UBAC2: variants seen among roughly 807,000 people sequenced by gnomAD.
UBAC2 encodes the protein UBA domain containing 2, also known as ubiquitin-associated domain-containing protein 2.
UBAC2 carries 26 observed loss-of-function variants against 44.0 expected under a neutral mutation model. That is an observed-to-expected ratio of 0.59 (90% CI 0.43 to 0.82). The LOEUF is 0.82. UBAC2 is among the 40% of genes least tolerant of loss of function. The probability of loss-of-function intolerance (pLI) is 0.00; values close to 1 mark genes in which losing one functional copy is unlikely to be tolerated. For missense variants in UBAC2, 329 were observed against 419.4 expected (o/e 0.78, Z 1.88); for synonymous variants, 155 against 154.3 (o/e 1.00, Z -0.04).
At chr13:99,244,359 A>G (rs2043355216) in intron 3 of UBAC2, among the ~76,000 whole-genome samples, 156 bp from the exon 4 acceptor site, 1 of 152,232 alleles carries the variant, frequency 6.6e-6, no homozygotes, top group Non-Finnish European at 1.5e-5. Context: ...ATAAAAACAA[A>G]TAATTTCAAA....
chr13:99,320,754 A>G (rs2044557168), intron 6 of UBAC2, among the ~76,000 whole-genome samples: 1 of 152,202 alleles, frequency 6.6e-6, no homozygotes, highest in Non-Finnish European at 1.5e-5. Flanking sequence ...ACTTTAGATA[A>G]GGAAGATTGT....
chr13:99,214,681 A>ACCCAAAG (rs2042971493), intron 1 of UBAC2, among the ~76,000 whole-genome samples: 1 of 152,044 alleles, frequency 6.6e-6, no homozygotes, highest in Non-Finnish European at 1.5e-5. Context: ...GCTCTCTTCT[A>ACCCAAAG]CTTTTTTGCA....
intron 1 of UBAC2, among the ~76,000 whole-genome samples, chr13:99,223,542 GTTTTTT>G (rs145143990): frequency 1.5e-3 from 92 of 62,450 alleles, no homozygotes; most frequent in South Asian, 3.8e-3. Context: ...CTCTTTTTCT[GTTTTTT>G]TTTTTTTTTT....
At chr13:99,215,976 T>C (rs1235595065) in intron 1 of UBAC2, among the ~76,000 whole-genome samples, 1 of 152,240 alleles carries the variant, frequency 6.6e-6, no homozygotes, top group Non-Finnish European at 1.5e-5. Flanking sequence ...GAGCAGGAAG[T>C]AATATTAGTC....
At chr13:99,368,054 C>A in intron 8 of UBAC2, 148 bp downstream of exon 8, 17 of 827,682 alleles carry the variant, frequency 2.1e-5, no homozygotes, top group Non-Finnish European at 2.4e-5. Flanking sequence ...AGACTTTGGG[C>A]TTTTTTTTGG....
intron 6 of UBAC2, among the ~76,000 whole-genome samples, chr13:99,318,591 C>T (rs1190604278): frequency 6.6e-6 from 1 of 150,616 alleles, no homozygotes; most frequent in African/African-American, 2.4e-5. Flanking sequence ...GAGGCTGAGG[C>T]GGGCAGATCA....
chr13:99,244,623 T>C lies in UBAC2; in HGVS notation c.388T>C (p.Phe130Leu). 2 of 1,578,122 alleles carry C rather than the reference T, an allele frequency of 1.3e-6. No individual in the cohort carries two copies. The highest frequency in any genetic ancestry group is 1.3e-5 in the African/African-American group (1 of 74,304). ...TGCAGCTAGTAATTTGCCTTCTGGA[T>C]TGTAAGTAGCACTTAAAGATTGACT... The part of the protein sequence containing the change: ...ITAASNLPSG[F>L]LAPVFALFVP... Residue 130 changes from phenylalanine to leucine, a missense_variant and splice_region_variant, in exon 4 of 9, where the codon TTC (phenylalanine) becomes CTC (leucine). Coordinates refer to ENST00000403766, the MANE Select transcript of UBAC2 (RefSeq NM_001144072.2).
At chr13:99,339,770 C>G (rs1205886159) in intron 6 of UBAC2, among the ~76,000 whole-genome samples, 1 of 152,024 alleles carries the variant, frequency 6.6e-6, no homozygotes, top group Non-Finnish European at 1.5e-5. Flanking sequence ...ATAAATGGAA[C>G]TAATATTGGT....
chr13:99,294,934 A>G (rs759867511), intron 4 of UBAC2: 96 of 1,036,844 alleles, frequency 9.3e-5, no homozygotes, highest in Admixed American at 1.7e-4. Flanking sequence ...GAGATGGGAA[A>G]GTGCCCAATG....
rs567116118 is a variant in UBAC2, at chr13:99,228,454, C to T, written c.32-9973C>T. On this transcript the variant is annotated intron_variant, in intron 1 of 8. Transcript: ENST00000403766. Reference sequence around the variant, plus strand: ...AGGCTCCCCCGCACCCCACCACGCCCGGCTAATTTTTGTATTTTTAGTAGT... The same window carrying T: ...AGGCTCCCCCGCACCCCACCACGCCTGGCTAATTTTTGTATTTTTAGTAGT... 5.3e-4 allele frequency among the ~76,000 whole-genome samples: 80 copies of T among 151,992 alleles called. 1 individual carries two copies. Among genetic ancestry groups the T allele is most frequent in the African/African-American group, 1.8e-3 (74 of 41,468 alleles).
At chr13:99,326,386 G>C (rs1193345028) in intron 6 of UBAC2, among the ~76,000 whole-genome samples, 1 of 152,042 alleles carries the variant, frequency 6.6e-6, no homozygotes, top group African/African-American at 2.4e-5. Context: ...TTAAAACTAG[G>C]TTATTAGTTT....
chr13:99,374,951 T>G (rs1444882494), intron 8 of UBAC2, among the ~76,000 whole-genome samples: 1 of 152,190 alleles, frequency 6.6e-6, no homozygotes, highest in African/African-American at 2.4e-5. Context: ...TGTTTTCACA[T>G]AAAAAATGTG....
chr13:99,338,428 C>G (rs2044834456), intron 6 of UBAC2, among the ~76,000 whole-genome samples: 1 of 152,166 alleles, frequency 6.6e-6, no homozygotes, highest in South Asian at 2.1e-4. Context: ...CCACATGTGG[C>G]CCACAGGCCT....
intron 7 of UBAC2, among the ~76,000 whole-genome samples, chr13:99,352,885 A>C (rs554990376): frequency 6.6e-6 from 1 of 152,062 alleles, no homozygotes; most frequent in African/African-American, 2.4e-5. Context: ...CTCCGTCTCC[A>C]CCCCTGTGTC....
chr13:99,269,819 A>C lies in UBAC2; in HGVS notation c.389+25195A>C, dbSNP rs1413798187. On this transcript the variant is annotated intron_variant, in intron 4 of 8. Transcript: ENST00000403766. ...TAGGCATTGCCTGCAGTAACACTGC[A>C]CTAGATGGCAGTGTTACATAGAACT... Among the ~76,000 whole-genome samples, 3 of 152,238 alleles carry C rather than the reference A, an allele frequency of 2.0e-5. 1 individual carries two copies. Among genetic ancestry groups the C allele is most frequent in the Middle Eastern group, 6.3e-3 (2 of 316 alleles).
chr13:99,202,909 C>T (rs1353773248), intron 1 of UBAC2, among the ~76,000 whole-genome samples: 3 of 152,124 alleles, frequency 2.0e-5, no homozygotes, highest in Non-Finnish European at 4.4e-5. Flanking sequence ...ACAGTGCTGA[C>T]GGAGCTTAGG....
At chr13:99,244,390 T>TATACACACACACAC in intron 3 of UBAC2, 125 bp from the exon 4 acceptor site, 1 of 614,272 alleles carries the variant, frequency 1.6e-6, no homozygotes, top group Middle Eastern at 3.8e-4. Context: ...CACATATGCA[T>TATACACACACACAC]GTGTGTATAT....
rs114193848 is a variant in UBAC2, at chr13:99,312,485, A to T, written c.390-1612A>T. On this transcript the variant is annotated intron_variant, in intron 4 of 8. Coordinates refer to ENST00000403766, the MANE Select transcript of UBAC2 (RefSeq NM_001144072.2). ...AGGAATGTAAGATTTCCGTCCTGTG[A>T]TGAGTTCCTTGAGGTCAAGGACTGC... Among the ~76,000 whole-genome samples, 961 of 152,300 alleles carry T rather than the reference A, an allele frequency of 6.3e-3. 7 individuals are homozygous for T. Among genetic ancestry groups the T allele is most frequent in the African/African-American group, 0.022 (932 of 41,560 alleles).
At chr13:99,361,943 C>T (rs1280394857) in intron 7 of UBAC2, among the ~76,000 whole-genome samples, 2 of 152,136 alleles carry the variant, frequency 1.3e-5, no homozygotes, top group East Asian at 3.9e-4. Context: ...CTGCAGTGCG[C>T]CATGATTGTG....
Sources: gnomAD v4.1 joint callset for allele counts (sites outside exome capture counted in the v4.1 genomes callset) on GRCh38, gnomAD v4.1.1 for gene constraint, MANE v1.5 for transcripts, NCBI Gene and HGNC (gene_info 2026-07-23, HGNC 2026-07-21) for gene names.